NFXL1: variants seen among roughly 807,000 people sequenced by gnomAD.
NFXL1 encodes the protein nuclear transcription factor, X-box binding like 1.
In NFXL1, 66 loss-of-function variants were observed where a neutral mutation model predicts 123.3. The observed-to-expected ratio is 0.54, with a 90% CI of 0.44 to 0.66. The LOEUF is 0.66. NFXL1 is among the 30% of genes least tolerant of loss of function. NFXL1 has a pLI of 0.00. For missense variants in NFXL1, 944 were observed against 1,125.6 expected (o/e 0.84, Z 2.31); for synonymous variants, 346 against 360.8 (o/e 0.96, Z 0.46).
chr4:47,884,604 A>G (rs1736315351), intron 14 of NFXL1, among the ~76,000 whole-genome samples, 167 bp from the exon 15 acceptor site: 1 of 152,224 alleles, frequency 6.6e-6, no homozygotes, highest in South Asian at 2.1e-4. Context: ...TCTGTATTAA[A>G]TGAAATTGTT....
rs71614010 is a variant in NFXL1, at chr4:47,870,734, A to G, written c.2246+4393T>C. Among the ~76,000 whole-genome samples the G allele has an allele frequency of 9.5e-3, 1,444 of 152,348 alleles. 4 individuals are homozygous for G. Among genetic ancestry groups the G allele is most frequent in the Non-Finnish European group, 0.015 (1,042 of 68,030 alleles). ...AAAAAGCACACCAAGTGGCTTTTAA[A>G]TATCACTGCCCATTAAAAAGGCCCT... On this transcript the variant is annotated intron_variant, in intron 18 of 22. Coordinates refer to ENST00000507489, the MANE Select transcript of NFXL1 (RefSeq NM_001278624.2).
intron 19 of NFXL1, among the ~76,000 whole-genome samples, chr4:47,858,295 A>C (rs1262229799): frequency 6.6e-6 from 1 of 152,238 alleles, no homozygotes; most frequent in Non-Finnish European, 1.5e-5. Context: ...CTTTTCAGTA[A>C]CTGGAAAAGT....
intron 18 of NFXL1, among the ~76,000 whole-genome samples, chr4:47,865,744 A>G (rs954753056): frequency 5.3e-5 from 8 of 152,116 alleles, no homozygotes; most frequent in Admixed American, 5.2e-4. Context: ...TAATCCCAGC[A>G]CTTTCGGAGG....
chr4:47,872,034 A>T (rs1190039760), intron 18 of NFXL1, among the ~76,000 whole-genome samples: 2 of 152,204 alleles, frequency 1.3e-5, no homozygotes, highest in Non-Finnish European at 2.9e-5. Context: ...TCTTCTATCT[A>T]AATAATCCAT....
In NFXL1 at chr4:47,861,557, G is replaced by T. The variant is rs1390949696; in HGVS notation, c.2316+1289C>A. Among the ~76,000 whole-genome samples, 3 of 152,186 alleles carry T rather than the reference G, an allele frequency of 2.0e-5. No homozygotes were observed. The East Asian group carries it at 5.8e-4, about 29-fold the overall frequency. On this transcript the variant is annotated intron_variant, in intron 19 of 22. Coordinates refer to ENST00000507489, the MANE Select transcript of NFXL1 (RefSeq NM_001278624.2). ...ATTTCTATCTAATAAATCATACCAGGTTACTAAGATTAAAAATAAAACATT... is the reference window on the plus strand; with the variant it reads ...ATTTCTATCTAATAAATCATACCAGTTTACTAAGATTAAAAATAAAACATT...
intron 18 of NFXL1, among the ~76,000 whole-genome samples, chr4:47,867,611 G>A (rs951055481): frequency 2.0e-5 from 3 of 151,704 alleles, no homozygotes; most frequent in Non-Finnish European, 2.9e-5. Flanking sequence ...ACCCTGAGTC[G>A]TACCTTAATA....
Position 47,867,537 on chromosome 4 carries a change from A to G in NFXL1, c.2247-4622T>C, listed in dbSNP as rs895193769. Among the ~76,000 whole-genome samples the G allele has an allele frequency of 7.9e-5, 12 of 152,304 alleles. 1 individual carries two copies. The highest frequency in any genetic ancestry group is 6.5e-4 in the Admixed American group (10 of 15,308). On this transcript the variant is annotated intron_variant, in intron 18 of 22. Transcript: ENST00000507489. ...TAAAACTATAATCCAGGAAAATAAA[A>G]ATATTGAACTTATATGTTGAAAGGG...
At chr4:47,863,822 C>T (rs1734900708) in intron 18 of NFXL1, among the ~76,000 whole-genome samples, 1 of 152,182 alleles carries the variant, frequency 6.6e-6, no homozygotes, top group Non-Finnish European at 1.5e-5. Flanking sequence ...TTCCAACAGA[C>T]ACTGCCTAAG....
In NFXL1 at chr4:47,878,578, T is replaced by C. The variant is rs150584015; in HGVS notation, c.2026A>G (p.Met676Val). The C allele has an allele frequency of 3.7e-5, 59 of 1,608,086 alleles. No homozygotes were observed. The Middle Eastern group carries it at 8.2e-4, about 22-fold the overall frequency. ...TTGGTTACTTTGTGGCATTCTTTCATACATGTGTGATTCTGACAATCCAAG... is the reference window on the plus strand; with the variant it reads ...TTGGTTACTTTGTGGCATTCTTTCACACATGTGTGATTCTGACAATCCAAG... ...RILDCQNHTC[M>V]KECHKVTKTD... Residue 676 changes from methionine to valine, a missense_variant, in exon 17 of 23, where the codon ATG (methionine) becomes GTG (valine). Coordinates refer to ENST00000507489, the MANE Select transcript of NFXL1 (RefSeq NM_001278624.2).
At chr4:47,874,831 T>C (rs1164887488) in intron 18 of NFXL1, among the ~76,000 whole-genome samples, 1 of 152,232 alleles carries the variant, frequency 6.6e-6, no homozygotes, top group Admixed American at 6.5e-5. Context: ...TTTGACATAG[T>C]CAAACTATCA....
chr4:47,911,251 GA>G (rs377688952), intron 2 of NFXL1, among the ~76,000 whole-genome samples: 37 of 151,592 alleles, frequency 2.4e-4, no homozygotes, highest in African/African-American at 8.0e-4. Context: ...AACAAATCAA[GA>G]AAAAAAATAT....
At chr4:47,871,119 G>C (rs185079280) in intron 18 of NFXL1, among the ~76,000 whole-genome samples, 1 of 152,260 alleles carries the variant, frequency 6.6e-6, no homozygotes, top group Admixed American at 6.5e-5. Context: ...GGGAGGCCGA[G>C]GCGGGCAGAT....
chr4:47,893,255 G>T (rs1030516730), intron 11 of NFXL1, among the ~76,000 whole-genome samples: 3 of 151,678 alleles, frequency 2.0e-5, no homozygotes, highest in Admixed American at 6.6e-5. Flanking sequence ...GAAGGTGACG[G>T]GTAGGGGAAA....
chr4:47,878,662 T>C lies in NFXL1; in HGVS notation c.1942A>G (p.Ser648Gly), dbSNP rs1240080110. The C allele has an allele frequency of 4.6e-6, 7 of 1,532,756 alleles. No individual in the cohort carries two copies. The highest frequency in any genetic ancestry group is 6.1e-6 in the Non-Finnish European group (7 of 1,143,668). 94.9% of individuals were successfully genotyped at this position (1,532,756 alleles called of 1,614,324 possible). A position where few individuals can be genotyped will look rare whatever the true frequency, so the allele number is the denominator to read the frequency against. Reference sequence around the variant, plus strand: ...CCTACAGCATGGCATGGTAGTGGACTCACCTTAAAAAATAAAGGAAATCAG... The same window carrying C: ...CCTACAGCATGGCATGGTAGTGGACCCACCTTAAAAAATAAAGGAAATCAG... ...PMECLGKHEVSPLPCHAVGPY... is the reference protein window; with the variant it reads ...PMECLGKHEVGPLPCHAVGPY... Residue 648 changes from serine to glycine, a missense_variant, in exon 17 of 23, where the codon AGT (serine) becomes GGT (glycine). By Grantham distance (56) the Ser-to-Gly change is moderately conservative. Transcript: ENST00000507489.
intron 13 of NFXL1, 39 bp downstream of exon 13, chr4:47,885,840 C>A: frequency 6.3e-7 from 1 of 1,581,646 alleles, no homozygotes; most frequent in South Asian, 1.2e-5. Flanking sequence ...TAAATTTGTA[C>A]AACATCAGAT....
intron 5 of NFXL1, among the ~76,000 whole-genome samples, chr4:47,900,513 A>G (rs941215600): frequency 3.3e-5 from 5 of 152,288 alleles, no homozygotes; most frequent in Admixed American, 2.6e-4. Flanking sequence ...CCCAGCCCAA[A>G]AAAAGATATA....
chr4:47,905,243 G>A lies in NFXL1; in HGVS notation c.510C>T (p.Asn170=), dbSNP rs1396927973. The change falls in exon 4 of 23, where the codon AAC becomes AAT. Residue 170 remains asparagine, a synonymous_variant. Coordinates refer to ENST00000507489, the MANE Select transcript of NFXL1 (RefSeq NM_001278624.2). ...AATAAGGAGAAAAACTTACTGCTTG[G>A]TTTCTCTTCACCGAAGCAATACAAA... ...CLICIASVKR[N]QAVWSCSGCF... The A allele has an allele frequency of 1.4e-6, 2 of 1,470,106 alleles. No homozygotes were observed. The highest frequency in any genetic ancestry group is 1.9e-6 in the Non-Finnish European group (2 of 1,056,474). 91.1% of individuals were successfully genotyped at this position (1,470,106 alleles called of 1,614,324 possible). A position where few individuals can be genotyped will look rare whatever the true frequency, so the allele number is the denominator to read the frequency against.
At chr4:47,884,809 T>C (rs1022707248) in intron 14 of NFXL1, among the ~76,000 whole-genome samples, 13 of 152,174 alleles carry the variant, frequency 8.5e-5, no homozygotes, top group African/African-American at 2.7e-4. Flanking sequence ...AAAAGCTTGA[T>C]ATTTAGTAAG....
chr4:47,886,667 C>T (rs1736449599), intron 12 of NFXL1, among the ~76,000 whole-genome samples: 2 of 152,154 alleles, frequency 1.3e-5, no homozygotes. Context: ...CTGCACCCAG[C>T]CTCTGATTTA....
Sources: gnomAD v4.1 joint callset for allele counts (sites outside exome capture counted in the v4.1 genomes callset) on GRCh38, gnomAD v4.1.1 for gene constraint, MANE v1.5 for transcripts, NCBI Gene and HGNC (gene_info 2026-07-23, HGNC 2026-07-21) for gene names.